EYA2: variants seen among roughly 807,000 people sequenced by gnomAD.
EYA2 encodes protein phosphatase EYA2.
In EYA2, 31 loss-of-function variants were observed where a neutral mutation model predicts 69.2. The ratio of observed to expected loss-of-function variants is 0.45; its 90% CI spans 0.34 to 0.60. The LOEUF (loss-of-function observed/expected upper bound fraction) is 0.60, where lower values mean the gene tolerates loss of function less well. Among genes scored for constraint, EYA2 ranks in the 20% least tolerant of loss-of-function variants. The probability of loss-of-function intolerance (pLI) is 0.02; values close to 1 mark genes in which losing one functional copy is unlikely to be tolerated. For missense variants in EYA2, 622 were observed against 701.2 expected, an observed-to-expected ratio of 0.89 and a Z score of 1.28; for synonymous variants, 257 against 279.4, an observed-to-expected ratio of 0.92 and a Z score of 0.80.
At chr20:46,933,687 GT>G (rs1985770933) in intron 1 of EYA2, among the ~76,000 whole-genome samples, 1 of 152,230 alleles carries the variant, frequency 6.6e-6, no homozygotes. Context: ...AGAAATGACC[GT>G]GCTACAGCTC....
At chr20:46,921,400 A>G (rs572730472) in intron 1 of EYA2, among the ~76,000 whole-genome samples, 1 of 152,366 alleles carries the variant, frequency 6.6e-6, no homozygotes, top group South Asian at 2.1e-4. Flanking sequence ...CGTGATGCTT[A>G]TCTTGCCCAG....
rs116993523 is a variant in EYA2, at chr20:46,990,183, C to T, written c.109+64C>T. ...TGGTCCTAGGTCACCCTGAGAATAT[C>T]GTAAGCAACAGACACGCATCCTTTC... On this transcript the variant is annotated intron_variant, in intron 2 of 15. Transcript: ENST00000327619. The T allele has an allele frequency of 2.1e-3, 1,777 of 853,330 alleles. 29 individuals are homozygous for T. The East Asian group carries it at 0.025, about 12-fold the overall frequency. 52.9% of individuals were successfully genotyped at this position (853,330 alleles called of 1,614,324 possible).
At chr20:46,930,330 A>G (rs1985613321) in intron 1 of EYA2, among the ~76,000 whole-genome samples, 2 of 152,262 alleles carry the variant, frequency 1.3e-5, no homozygotes, top group Non-Finnish European at 2.9e-5. Context: ...TCTGTGCTAA[A>G]GGCTTTTTAT....
At chr20:46,986,173 T>C (rs919878568) in intron 1 of EYA2, among the ~76,000 whole-genome samples, 5 of 151,712 alleles carry the variant, frequency 3.3e-5, no homozygotes, top group African/African-American at 7.3e-5. Context: ...TATCCTGGAG[T>C]GCCTGTGGCA....
At chr20:46,970,610 T>C (rs1980078872) in intron 1 of EYA2, among the ~76,000 whole-genome samples, 3 of 152,180 alleles carry the variant, frequency 2.0e-5, no homozygotes, top group Non-Finnish European at 4.4e-5. Context: ...AAACTGTGAA[T>C]AACCTGGATG....
chr20:46,932,188 T>C (rs1321008147), intron 1 of EYA2, among the ~76,000 whole-genome samples: 3 of 151,968 alleles, frequency 2.0e-5, no homozygotes, highest in African/African-American at 7.3e-5. Flanking sequence ...AATGGAATGA[T>C]TGTGCACCCC....
intron 10 of EYA2, among the ~76,000 whole-genome samples, chr20:47,159,994 A>C (rs1310343106): frequency 6.6e-6 from 1 of 152,088 alleles, no homozygotes; most frequent in Non-Finnish European, 1.5e-5. Context: ...GAGGTCAGGG[A>C]GGTGATGAAC....
At chr20:47,135,139 A>C (rs1294242891) in intron 9 of EYA2, among the ~76,000 whole-genome samples, 2 of 150,932 alleles carry the variant, frequency 1.3e-5, no homozygotes, top group East Asian at 1.9e-4. Context: ...AAAAAAAAAA[A>C]AAAAAAAAAA....
intron 5 of EYA2, among the ~76,000 whole-genome samples, chr20:47,058,305 A>T (rs2030730466): frequency 6.6e-6 from 1 of 152,240 alleles, no homozygotes; most frequent in African/African-American, 2.4e-5. Flanking sequence ...AAGTGCCTGT[A>T]GGGGTGTAGG....
At chr20:46,962,516 G>T (rs925650501) in intron 1 of EYA2, among the ~76,000 whole-genome samples, 1 of 152,128 alleles carries the variant, frequency 6.6e-6, no homozygotes, top group Non-Finnish European at 1.5e-5. Flanking sequence ...AGGCCCAGGT[G>T]CCTGCCTCAG....
intron 1 of EYA2, among the ~76,000 whole-genome samples, chr20:46,968,139 GT>G (rs1979905562): frequency 6.6e-6 from 1 of 152,198 alleles, no homozygotes. Context: ...GTCCAGTTGT[GT>G]TTCTTAGAAA....
At chr20:47,065,140 T>C (rs2031062287) in intron 5 of EYA2, among the ~76,000 whole-genome samples, 1 of 152,138 alleles carries the variant, frequency 6.6e-6, no homozygotes, top group Non-Finnish European at 1.5e-5. Context: ...GCCCCCATGA[T>C]TCAATTACCT....
chr20:46,915,734 A>T (rs917978391), intron 1 of EYA2, among the ~76,000 whole-genome samples: 1 of 152,136 alleles, frequency 6.6e-6, no homozygotes, highest in East Asian at 1.9e-4. Context: ...CCATTGGGAG[A>T]TCTGCCAAAT....
intron 1 of EYA2, among the ~76,000 whole-genome samples, chr20:46,943,229 C>A (rs1340630014): frequency 1.3e-5 from 2 of 152,180 alleles, no homozygotes; most frequent in Non-Finnish European, 2.9e-5. Flanking sequence ...GCCAAACATC[C>A]TACGATGCAC....
chr20:47,188,511 T>C lies in EYA2; in HGVS notation c.*378T>C, dbSNP rs1269683721. On this transcript the variant is annotated 3_prime_UTR_variant, in exon 16 of 16. Transcript: ENST00000327619. ...TAGTCTCATTACTCCGGAATTATGC[T>C]CTTGTACCTGTGTGGCTGGGTTTCT... The C allele has an allele frequency of 2.1e-6, 1 of 481,352 alleles. No individual in the cohort carries two copies. The highest frequency in any genetic ancestry group is 3.6e-6 in the Non-Finnish European group (1 of 274,466). 29.8% of individuals were successfully genotyped at this position (481,352 alleles called of 1,614,324 possible).
chr20:47,044,287 G>A (rs534688771), intron 5 of EYA2, among the ~76,000 whole-genome samples: 1 of 151,282 alleles, frequency 6.6e-6, no homozygotes, highest in East Asian at 2.0e-4. Context: ...ACCACAGATA[G>A]CCCATGAACC....
Position 47,008,080 on chromosome 20 carries a change from A to G in EYA2, c.298+2996A>G, listed in dbSNP as rs112816695. Among the ~76,000 whole-genome samples the G allele has an allele frequency of 9.2e-5, 14 of 152,348 alleles. 2 individuals carry two copies. Among genetic ancestry groups the G allele is most frequent in the African/African-American group, 3.4e-4 (14 of 41,568 alleles). ...GCCATGGCAGCGGACAGACACATGT[A>G]GACAGAATCAAGAGCAACTCTAGAG... On this transcript the variant is annotated intron_variant, in intron 4 of 15. Transcript: ENST00000327619.
At chr20:46,948,109 C>A (rs76489246) in intron 1 of EYA2, among the ~76,000 whole-genome samples, 761 of 133,758 alleles carry the variant, frequency 5.7e-3, no homozygotes, top group Middle Eastern at 7.2e-3. Context: ...GACCTTGTCT[C>A]AAAAAAAAAA....
chr20:46,938,437 A>G (rs565474844), intron 1 of EYA2, among the ~76,000 whole-genome samples: 1 of 152,334 alleles, frequency 6.6e-6, no homozygotes, highest in African/African-American at 2.4e-5. Flanking sequence ...GTAGGTCAGG[A>G]ATCTGGGAGC....
Sources: allele counts gnomAD v4.1 joint callset (sites outside exome capture counted in the v4.1 genomes callset), GRCh38; gene constraint gnomAD v4.1.1; transcripts MANE v1.5; gene names NCBI Gene and HGNC (gene_info 2026-07-23, HGNC 2026-07-21).